Variants in PINX1 observed in about 807,000 individuals in gnomAD.
The protein encoded by PINX1 is PIN2 (TERF1) interacting telomerase inhibitor 1, also known as PIN2/TERF1-interacting telomerase inhibitor 1.
A neutral mutation model predicts 25.4 loss-of-function variants in PINX1; 34 were observed. The observed-to-expected ratio is 1.34, with a 90% CI of 1.02 to 1.78. The LOEUF (loss-of-function observed/expected upper bound fraction) is 1.78. Among genes scored for constraint, PINX1 ranks in the 40% most tolerant of loss-of-function variants. The pLI is 0.00. For missense variants in PINX1, 592 were observed against 404.9 expected (o/e 1.46, Z -3.97); for synonymous variants, 197 against 147.7 (o/e 1.33, Z -2.42).
At chr8:10,793,613 A>C (rs1051428666) in intron 6 of PINX1, among the ~76,000 whole-genome samples, 2 of 152,244 alleles carry the variant, frequency 1.3e-5, no homozygotes, top group African/African-American at 4.8e-5. Context: ...CTTCTAAGGA[A>C]TTAATGCTAA....
rs566307962 is a variant in PINX1 at position 10,821,144 on chromosome 8, G to C, written c.395-875C>G. 1.4e-4 allele frequency among the ~76,000 whole-genome samples: 21 copies of C among 152,274 alleles called. No individual in the cohort carries two copies. The East Asian group carries it at 3.9e-3, about 28-fold the overall frequency. On this transcript the variant is annotated intron_variant, in intron 5 of 6. Coordinates refer to ENST00000314787, the MANE Select transcript of PINX1 (RefSeq NM_017884.6). ...GAGGCTCTGGGCGAGGGAGGTTCTG[G>C]GTCAGACACAGGAATGTGAGTCTCA...
intron 6 of PINX1, among the ~76,000 whole-genome samples, chr8:10,802,689 T>A (rs772985544): frequency 6.6e-6 from 1 of 152,156 alleles, no homozygotes; most frequent in Non-Finnish European, 1.5e-5. Flanking sequence ...CTTCTACACC[T>A]CACTTCGGTC....
chr8:10,770,334 G>C (rs7826180), intron 6 of PINX1, among the ~76,000 whole-genome samples: 2 of 152,132 alleles, frequency 1.3e-5, no homozygotes, highest in African/African-American at 4.8e-5. Flanking sequence ...TGGCAATTCC[G>C]AATTATCACT....
chr8:10,807,574 G>A (rs1420903057), intron 6 of PINX1, among the ~76,000 whole-genome samples: 1 of 152,052 alleles, frequency 6.6e-6, no homozygotes, highest in Non-Finnish European at 1.5e-5. Flanking sequence ...TTTAGAATCT[G>A]AGCATGTTAA....
At chr8:10,804,850 C>T (rs1802388877) in intron 6 of PINX1, among the ~76,000 whole-genome samples, 1 of 151,716 alleles carries the variant, frequency 6.6e-6, no homozygotes, top group African/African-American at 2.4e-5. Context: ...TACTTTGTCC[C>T]CCACAACCCT....
At chr8:10,814,377 G>C (rs996019826) in intron 6 of PINX1, among the ~76,000 whole-genome samples, 1 of 152,210 alleles carries the variant, frequency 6.6e-6, no homozygotes, top group African/African-American at 2.4e-5. Flanking sequence ...GACAGCTGCT[G>C]TGTCTGGAGG....
intron 1 of PINX1, among the ~76,000 whole-genome samples, chr8:10,838,484 G>A (rs1233850121): frequency 6.6e-6 from 1 of 152,124 alleles, no homozygotes; most frequent in East Asian, 1.9e-4. Context: ...CTGATTTAAG[G>A]CCACCTAGGG....
chr8:10,811,815 G>A (rs1797530992), intron 6 of PINX1, among the ~76,000 whole-genome samples: 1 of 152,162 alleles, frequency 6.6e-6, no homozygotes, highest in Non-Finnish European at 1.5e-5. Flanking sequence ...AGCCAACGAG[G>A]CCTCAGAAGT....
chr8:10,833,309 G>C (rs1798283102), intron 2 of PINX1, among the ~76,000 whole-genome samples: 1 of 152,238 alleles, frequency 6.6e-6, no homozygotes, highest in East Asian at 1.9e-4. Context: ...GGAGGGGCTA[G>C]ATCTCACATA....
intron 6 of PINX1, among the ~76,000 whole-genome samples, chr8:10,777,760 T>C (rs1319688882): frequency 1.3e-5 from 2 of 152,224 alleles, no homozygotes; most frequent in Admixed American, 6.5e-5. Context: ...CTGGTTAGAA[T>C]GAACCACCAC....
intron 6 of PINX1, among the ~76,000 whole-genome samples, chr8:10,812,224 G>A (rs985777057): frequency 6.6e-6 from 1 of 152,192 alleles, no homozygotes; most frequent in Non-Finnish European, 1.5e-5. Context: ...ACTGAATAAA[G>A]CGCATAAGTA....
chr8:10,779,052 G>A lies in PINX1; in HGVS notation c.472-13136C>T, dbSNP rs374148437. The stretch of plus-strand genomic sequence containing the variant: ...CTGTTCCTAGGTTTAGAAAAATTAC[G>A]CTTCCATTTTGGAATGGAGGGTAGC... On this transcript the variant is annotated intron_variant, in intron 6 of 6. Coordinates refer to ENST00000314787, the MANE Select transcript of PINX1 (RefSeq NM_017884.6). Among the ~76,000 whole-genome samples, 27 of 152,296 alleles carry A rather than the reference G, an allele frequency of 1.8e-4. No individual in the cohort carries two copies. The East Asian group carries it at 2.7e-3, about 15-fold the overall frequency.
intron 4 of PINX1, 117 bp from the exon 5 acceptor site, chr8:10,826,361 T>C (rs1798042121): frequency 2.1e-5 from 12 of 574,762 alleles, no homozygotes; most frequent in Non-Finnish European, 3.6e-5. Context: ...ATGATTGAAC[T>C]CTTTCATTCA....
At chr8:10,777,921 T>C (rs572049638) in intron 6 of PINX1, among the ~76,000 whole-genome samples, 31 of 152,300 alleles carry the variant, frequency 2.0e-4, no homozygotes, top group Non-Finnish European at 2.2e-4. Context: ...CAAGCCTCTA[T>C]CTGCACACCC....
chr8:10,775,627 T>G (rs181450065), intron 6 of PINX1, among the ~76,000 whole-genome samples: 1 of 152,180 alleles, frequency 6.6e-6, no homozygotes, highest in Non-Finnish European at 1.5e-5. Flanking sequence ...CTATGGACCA[T>G]AATTTGAGTG....
intron 5 of PINX1, among the ~76,000 whole-genome samples, chr8:10,821,587 G>A (rs1482644771): frequency 1.3e-5 from 2 of 152,166 alleles, no homozygotes; most frequent in Admixed American, 6.5e-5. Flanking sequence ...CCACAGATAC[G>A]GCAGAAAATG....
At chr8:10,806,597 C>G (rs1196339566) in intron 6 of PINX1, among the ~76,000 whole-genome samples, 1 of 152,176 alleles carries the variant, frequency 6.6e-6, no homozygotes, top group Non-Finnish European at 1.5e-5. Context: ...CCACTCCTTT[C>G]CTTCAATAAC....
At chr8:10,822,681 G>A (rs1057140573) in intron 5 of PINX1, among the ~76,000 whole-genome samples, 3 of 152,150 alleles carry the variant, frequency 2.0e-5, no homozygotes, top group African/African-American at 7.2e-5. Context: ...CACATGGGAG[G>A]CAACTAAAAC....
chr8:10,801,206 G>A (rs73208757), intron 6 of PINX1, among the ~76,000 whole-genome samples: 1 of 152,094 alleles, frequency 6.6e-6, no homozygotes, highest in Non-Finnish European at 1.5e-5. Context: ...GGAAGGAAGG[G>A]GGAAGTGAAT....
Sources: gnomAD v4.1 joint callset for allele counts (sites outside exome capture counted in the v4.1 genomes callset) on GRCh38, gnomAD v4.1.1 for gene constraint, MANE v1.5 for transcripts, NCBI Gene and HGNC (gene_info 2026-07-23, HGNC 2026-07-21) for gene names.